NOXRED1: variants seen among roughly 807,000 people sequenced by gnomAD.
NOXRED1 encodes the protein NADP dependent oxidoreductase domain containing 1.
Under a neutral mutation model 30.4 loss-of-function variants are expected in NOXRED1, and 20 were observed. The ratio of observed to expected loss-of-function variants is 0.66; its 90% confidence interval spans 0.46 to 0.96. The LOEUF (loss-of-function observed/expected upper bound fraction) is 0.96, where lower values mean the gene tolerates loss of function less well. Among genes scored for constraint, NOXRED1 ranks in the 40% least tolerant of loss-of-function variants. The pLI is 0.00. For missense variants in NOXRED1, 374 were observed against 428.0 expected (o/e 0.87, Z 1.11); for synonymous variants, 155 against 168.0 (o/e 0.92, Z 0.60).
chr14:77,412,759 C>T lies in NOXRED1; in HGVS notation c.349+1175G>A, dbSNP rs1224153527. Among the ~76,000 whole-genome samples the T allele has an allele frequency of 3.9e-5, 6 of 152,006 alleles. No homozygotes were observed. In the East Asian group the frequency reaches 1.2e-3, roughly 29 times the overall value. On this transcript the variant is annotated intron_variant, in intron 2 of 5. Coordinates refer to ENST00000380835, the MANE Select transcript of NOXRED1 (RefSeq NM_001113475.3). ...AACTCCTGACCTCAGGTGATCTGCC[C>T]ACCTCGGCCTCCCAAAGTACTGGGA... is the stretch of plus-strand genomic sequence containing the variant.
intron 5 of NOXRED1, among the ~76,000 whole-genome samples, chr14:77,398,512 C>G (rs1894243043): frequency 6.6e-6 from 1 of 152,066 alleles, no homozygotes; most frequent in African/African-American, 2.4e-5. Flanking sequence ...ATGGGCTCCT[C>G]AACTCCAGCC....
chr14:77,397,727 A>AAAT (rs1894225691), intron 5 of NOXRED1, among the ~76,000 whole-genome samples: 1 of 152,020 alleles, frequency 6.6e-6, no homozygotes, highest in Non-Finnish European at 1.5e-5. Context: ...TCTCTACTAA[A>AAAT]AATACAAAAA....
Position 77,394,519 on chromosome 14 carries a change from T to A in NOXRED1, c.*112A>T, listed in dbSNP as rs1894129122. 2.8e-6 allele frequency: 2 copies of A among 713,630 alleles called. No homozygotes were observed. The highest frequency in any genetic ancestry group is 2.5e-5 in the East Asian group (1 of 39,742). The allele number at this position is 713,630 out of a possible 1,614,324, so 44.2% of individuals were successfully genotyped here. On this transcript the variant is annotated 3_prime_UTR_variant, in exon 6 of 6. Transcript: ENST00000380835. ...GTTTTATAATTCCTGATGTCTATCA[T>A]GTGGCAAACACAATACAGCCACAAG...
At chr14:77,415,514 G>A (rs541959813) in intron 1 of NOXRED1, among the ~76,000 whole-genome samples, 1 of 151,856 alleles carries the variant, frequency 6.6e-6, no homozygotes, top group East Asian at 2.0e-4. Context: ...AGGTTGCAGT[G>A]AGCCAAGATC....
chr14:77,416,909 TTTCTTA>T (rs1894844028), intron 1 of NOXRED1, among the ~76,000 whole-genome samples: 1 of 152,104 alleles, frequency 6.6e-6, no homozygotes, highest in African/African-American at 2.4e-5. Context: ...GGGGCGGCCC[TTTCTTA>T]TTTTTAACGT....
At chr14:77,401,308 G>C (rs1476478199) in intron 5 of NOXRED1, among the ~76,000 whole-genome samples, 1 of 152,010 alleles carries the variant, frequency 6.6e-6, no homozygotes, top group Non-Finnish European at 1.5e-5. Context: ...GGAAGCAGAG[G>C]TTGCAGTGAG....
chr14:77,409,582 G>A (rs1241824112), intron 2 of NOXRED1, among the ~76,000 whole-genome samples: 1 of 152,100 alleles, frequency 6.6e-6, no homozygotes, highest in Admixed American at 6.5e-5. Flanking sequence ...ACAAAGTTTA[G>A]AAAACAGGCC....
chr14:77,423,761 C>T (rs1201152965), upstream of NOXRED1, among the ~76,000 whole-genome samples: 1 of 152,154 alleles, frequency 6.6e-6, no homozygotes, highest in Admixed American at 6.5e-5. Flanking sequence ...ACTAGAATAT[C>T]TTACAGATCT....
At chr14:77,408,723 G>A (rs1286931817) in intron 2 of NOXRED1, among the ~76,000 whole-genome samples, 2 of 152,084 alleles carry the variant, frequency 1.3e-5, no homozygotes. Context: ...CTGGCTTGAG[G>A]TGGTGGAAAA....
chr14:77,425,239 G>A (rs565395108), upstream of NOXRED1, among the ~76,000 whole-genome samples: 5 of 152,182 alleles, frequency 3.3e-5, no homozygotes, highest in East Asian at 3.9e-4. Flanking sequence ...AGACAACTAC[G>A]TTAAACACAC....
chr14:77,421,059 A>G (rs1238839387), intron 1 of NOXRED1, among the ~76,000 whole-genome samples: 4 of 152,178 alleles, frequency 2.6e-5, no homozygotes, highest in Non-Finnish European at 4.4e-5. Flanking sequence ...ACAGAAACCA[A>G]TCCCTCAGGC....
intron 1 of NOXRED1, among the ~76,000 whole-genome samples, chr14:77,416,831 G>T (rs1192098136): frequency 6.6e-6 from 1 of 151,706 alleles, no homozygotes; most frequent in Non-Finnish European, 1.5e-5. Flanking sequence ...CGGGCGGGGG[G>T]CTGACCCCCC....
At chr14:77,424,368 CAGG>C (rs1412165224), upstream of NOXRED1, among the ~76,000 whole-genome samples, 5 of 152,160 alleles carry the variant, frequency 3.3e-5, no homozygotes, top group African/African-American at 4.8e-5. Flanking sequence ...GAGGCTGAGG[CAGG>C]AGAATTGCTT....
chr14:77,413,383 C>G (rs1894713722), intron 2 of NOXRED1, among the ~76,000 whole-genome samples: 1 of 151,906 alleles, frequency 6.6e-6, no homozygotes, highest in South Asian at 2.1e-4. Context: ...GGACTACAGG[C>G]ACGCACCATC....
chr14:77,425,827 G>A (rs528866627), upstream of NOXRED1, among the ~76,000 whole-genome samples: 4 of 152,262 alleles, frequency 2.6e-5, no homozygotes, highest in East Asian at 3.9e-4. Context: ...ACTGCCTCCA[G>A]TTGAGAGCCA....
In NOXRED1 at chr14:77,423,091, G is replaced by GT. The variant is rs1314213214; in HGVS notation, c.-203dup. On this transcript the variant is annotated 5_prime_UTR_variant, in exon 1 of 6. Transcript: ENST00000380835. Reference sequence around the variant, plus strand: ...CTCTCTTGAATTCACACTCTAGAGTGTGAGTGTTTGAGGATTCCTAATCAC... The same window carrying GT: ...CTCTCTTGAATTCACACTCTAGAGTGTTGAGTGTTTGAGGATTCCTAATCAC... The GT allele has an allele frequency of 5.6e-6, 3 of 531,260 alleles. No homozygotes were observed. In the East Asian group the frequency reaches 9.6e-5, roughly 17 times the overall value. 32.9% of individuals were successfully genotyped at this position (531,260 alleles called of 1,614,324 possible).
upstream of NOXRED1, among the ~76,000 whole-genome samples, chr14:77,424,434 T>C (rs1404512717): frequency 1.3e-5 from 2 of 152,026 alleles, no homozygotes; most frequent in Non-Finnish European, 2.9e-5. Context: ...GCCATTGTAC[T>C]CCAGCCTGGG....
chr14:77,424,939 G>A (rs11628329), upstream of NOXRED1, among the ~76,000 whole-genome samples: 3,130 of 152,300 alleles, frequency 0.021, 40 homozygotes, highest in Middle Eastern at 0.041. Context: ...TTTATCTGCT[G>A]AGTACCTTGT....
At chr14:77,400,561 C>T (rs1358344040) in intron 5 of NOXRED1, among the ~76,000 whole-genome samples, 2 of 152,134 alleles carry the variant, frequency 1.3e-5, no homozygotes, top group African/African-American at 2.4e-5. Context: ...GGTGGGACAA[C>T]TTCAAGTGGG....
Sources: allele counts gnomAD v4.1 joint callset (sites outside exome capture counted in the v4.1 genomes callset), GRCh38; gene constraint gnomAD v4.1.1; transcripts MANE v1.5; gene names NCBI Gene and HGNC (gene_info 2026-07-23, HGNC 2026-07-21).